PID1: variants seen among roughly 807,000 people sequenced by gnomAD.
The protein encoded by PID1 is phosphotyrosine interaction domain containing 1.
In PID1, 10 loss-of-function variants were observed where a neutral mutation model predicts 19.1. That is an observed-to-expected ratio of 0.52 (90% confidence interval 0.32 to 0.89). PID1 has a LOEUF of 0.89. Among genes scored for constraint, PID1 ranks in the 40% least tolerant of loss-of-function variants. The pLI is 0.03. For missense variants in PID1, 248 were observed against 285.3 expected (o/e 0.87, Z 0.94); for synonymous variants, 130 against 116.0 (o/e 1.12, Z -0.78).
intron 2 of PID1, among the ~76,000 whole-genome samples, chr2:229,127,125 A>G (rs1695637993): frequency 6.6e-6 from 1 of 152,200 alleles, no homozygotes; most frequent in Admixed American, 6.5e-5. Context: ...TCAGATCTCA[A>G]TCATTTAGGA....
intron 2 of PID1, among the ~76,000 whole-genome samples, chr2:229,047,860 G>T (rs1693914767): frequency 6.6e-6 from 1 of 152,180 alleles, no homozygotes; most frequent in African/African-American, 2.4e-5. Context: ...CCTGAACAAA[G>T]GTTTTTGAAT....
chr2:229,194,065 A>T (rs1401449152), intron 1 of PID1, among the ~76,000 whole-genome samples: 1 of 152,152 alleles, frequency 6.6e-6, no homozygotes, highest in East Asian at 1.9e-4. Flanking sequence ...CAGAAAGCCT[A>T]ATGAAAATTC....
intron 2 of PID1, among the ~76,000 whole-genome samples, chr2:229,066,967 C>T (rs2106198280): frequency 6.6e-6 from 1 of 152,220 alleles, no homozygotes; most frequent in Middle Eastern, 3.4e-3. Flanking sequence ...ACTGTTCTCA[C>T]ACTGCTATGA....
intron 1 of PID1, among the ~76,000 whole-genome samples, chr2:229,185,221 T>C (rs1298913848): frequency 1.3e-5 from 2 of 151,650 alleles, no homozygotes; most frequent in Admixed American, 1.3e-4. Flanking sequence ...ACACATCCTA[T>C]CTCTGAAAAC....
chr2:229,164,067 G>A (rs763108102), intron 1 of PID1, among the ~76,000 whole-genome samples: 3 of 152,124 alleles, frequency 2.0e-5, no homozygotes, highest in Non-Finnish European at 4.4e-5. Context: ...GCTGACTGTT[G>A]CAACTGCCTT....
At chr2:229,066,543 G>C (rs62193181) in intron 2 of PID1, among the ~76,000 whole-genome samples, 11,512 of 152,032 alleles carry the variant, frequency 0.076, 583 homozygotes, top group African/African-American at 0.14. Context: ...TCCATATCCT[G>C]GATGAAGTCA....
In PID1 at chr2:229,223,556, C is replaced by A. The variant is rs559193593; in HGVS notation, c.30+47458G>T. On this transcript the variant is annotated intron_variant, in intron 1 of 2. Transcript: ENST00000392055. ...AGTCTATAAAACAAAGTGCTAATTT[C>A]TTCCTTCACTGTATTCTAACAGTCA... Among the ~76,000 whole-genome samples the A allele has an allele frequency of 5.9e-4, 90 of 152,352 alleles. 1 individual carries two copies. The highest frequency in any genetic ancestry group is 3.4e-3 in the Middle Eastern group (1 of 294).
At chr2:229,155,584 A>AG (rs1342723661) in intron 2 of PID1, among the ~76,000 whole-genome samples, 34 of 152,206 alleles carry the variant, frequency 2.2e-4, no homozygotes, top group Admixed American at 1.3e-3. Flanking sequence ...AAAAAAAACA[A>AG]AAACAAAAAA....
At chr2:229,167,950 C>G (rs1574685721) in intron 1 of PID1, among the ~76,000 whole-genome samples, 2 of 152,172 alleles carry the variant, frequency 1.3e-5, no homozygotes, top group African/African-American at 4.8e-5. Flanking sequence ...TTAGATTTAA[C>G]TTGTGTTCAT....
chr2:229,061,886 T>G (rs1359643708), intron 2 of PID1, among the ~76,000 whole-genome samples: 1 of 152,000 alleles, frequency 6.6e-6, no homozygotes, highest in African/African-American at 2.4e-5. Context: ...TCTTAATTTC[T>G]TTTTCAGACA....
chr2:229,267,469 A>C (rs901000952), intron 1 of PID1, among the ~76,000 whole-genome samples: 1 of 152,244 alleles, frequency 6.6e-6, no homozygotes, highest in African/African-American at 2.4e-5. Context: ...AGATGGTTAC[A>C]TGTAAACTTC....
At chr2:229,060,919 A>G (rs1438850605) in intron 2 of PID1, among the ~76,000 whole-genome samples, 1 of 152,008 alleles carries the variant, frequency 6.6e-6, no homozygotes, top group Non-Finnish European at 1.5e-5. Context: ...CTTTTGAGAA[A>G]TATCTATTTA....
intron 2 of PID1, among the ~76,000 whole-genome samples, chr2:229,066,673 T>C (rs1405798241): frequency 6.6e-6 from 1 of 151,890 alleles, no homozygotes; most frequent in East Asian, 1.9e-4. Flanking sequence ...CAGAGACAGA[T>C]ATTTGAAAGG....
At chr2:229,127,551 C>G in intron 2 of PID1, among the ~76,000 whole-genome samples, 1 of 152,174 alleles carries the variant, frequency 6.6e-6, no homozygotes, top group East Asian at 1.9e-4. Context: ...TGCTTTTTCT[C>G]TAGACCAAGT....
At chr2:229,203,351 C>T (rs943023847) in intron 1 of PID1, among the ~76,000 whole-genome samples, 1 of 152,082 alleles carries the variant, frequency 6.6e-6, no homozygotes, top group African/African-American at 2.4e-5. Context: ...AGTAAGTCTT[C>T]ACCTAATGTC....
chr2:229,210,556 A>C (rs936550933), intron 1 of PID1, among the ~76,000 whole-genome samples: 2 of 83,726 alleles, frequency 2.4e-5, no homozygotes, highest in African/African-American at 7.4e-5. Context: ...AAAAAAAAAC[A>C]ACCTAGAAGG....
At chr2:229,138,184 C>A (rs1689893518) in intron 2 of PID1, among the ~76,000 whole-genome samples, 1 of 152,102 alleles carries the variant, frequency 6.6e-6, no homozygotes. Context: ...AGGGAGCAGA[C>A]CCTGCCTTCT....
intron 2 of PID1, among the ~76,000 whole-genome samples, chr2:229,104,323 G>A (rs116152940): frequency 2.3e-3 from 352 of 152,208 alleles, no homozygotes; most frequent in Admixed American, 7.4e-3. Context: ...AATGTTTTCA[G>A]GAAATGTTTA....
Position 229,136,791 on chromosome 2 carries a change from C to A in PID1, c.177+19027G>T, listed in dbSNP as rs569044845. Among the ~76,000 whole-genome samples the A allele has an allele frequency of 6.6e-5, 10 of 152,252 alleles. No individual in the cohort carries two copies. The South Asian group carries it at 1.5e-3, about 22-fold the overall frequency. On this transcript the variant is annotated intron_variant, in intron 2 of 2. Transcript: ENST00000392055. ...TTCAGACAAATCTTCTCTTGAAATT[C>A]TCTGCCCTCCTTTAACTTAAAACTA...
Sources: gnomAD v4.1 joint callset for allele counts (sites outside exome capture counted in the v4.1 genomes callset) on GRCh38, gnomAD v4.1.1 for gene constraint, MANE v1.5 for transcripts, NCBI Gene and HGNC (gene_info 2026-07-23, HGNC 2026-07-21) for gene names.